POU6F2: variants seen among roughly 807,000 people sequenced by gnomAD.
POU6F2 encodes the protein POU domain, class 6, transcription factor 2.
A neutral mutation model predicts 71.3 loss-of-function variants in POU6F2; 31 were observed. That is an observed-to-expected ratio of 0.43 (90% CI 0.33 to 0.59). The LOEUF is 0.59. Among genes scored for constraint, POU6F2 ranks in the 20% least tolerant of loss-of-function variants. POU6F2 has a pLI of 0.04. For missense variants in POU6F2, 783 were observed against 856.8 expected, an observed-to-expected ratio of 0.91 and a Z score of 1.07; for synonymous variants, 347 against 355.7, an observed-to-expected ratio of 0.98 and a Z score of 0.27.
chr7:39,419,348 C>T (rs947507476), intron 6 of POU6F2, among the ~76,000 whole-genome samples: 2 of 151,764 alleles, frequency 1.3e-5, no homozygotes, highest in Non-Finnish European at 2.9e-5. Context: ...AAGCGATTCT[C>T]CTGCCTCAGT....
At chr7:39,055,635 T>A (rs1182434354) in intron 1 of POU6F2, among the ~76,000 whole-genome samples, 3 of 152,130 alleles carry the variant, frequency 2.0e-5, no homozygotes, top group African/African-American at 7.2e-5. Flanking sequence ...TCTTTTTTTG[T>A]CTAGTTTTTT....
intron 1 of POU6F2, among the ~76,000 whole-genome samples, chr7:39,037,808 T>C (rs1226500288): frequency 6.6e-6 from 1 of 152,026 alleles, no homozygotes; most frequent in Non-Finnish European, 1.5e-5. Context: ...GGCCTGATTG[T>C]TTAGCACTAC....
chr7:39,102,350 A>AT (rs1011258693), intron 2 of POU6F2, among the ~76,000 whole-genome samples: 2 of 151,778 alleles, frequency 1.3e-5, no homozygotes, highest in Admixed American at 1.3e-4. Context: ...CTACTTTCTC[A>AT]TTTTTTACAG....
intron 5 of POU6F2, among the ~76,000 whole-genome samples, chr7:39,383,830 A>C (rs767768819): frequency 2.0e-5 from 3 of 152,200 alleles, no homozygotes; most frequent in Non-Finnish European, 2.9e-5. Context: ...GAGTTTCTAC[A>C]CCTATAAGAT....
chr7:38,986,352 T>A (rs970205003), intron 1 of POU6F2, among the ~76,000 whole-genome samples: 4 of 152,096 alleles, frequency 2.6e-5, no homozygotes, highest in African/African-American at 7.2e-5. Flanking sequence ...ACATCAAGTT[T>A]GTGGTAAGAA....
intron 7 of POU6F2, among the ~76,000 whole-genome samples, chr7:39,439,843 G>A: frequency 6.6e-6 from 1 of 151,346 alleles, no homozygotes; most frequent in East Asian, 2.0e-4. Flanking sequence ...CATATTTAGT[G>A]CTTCTTTCAG....
intron 4 of POU6F2, among the ~76,000 whole-genome samples, chr7:39,230,935 AGTCTTCCCCTACTCCCCCAGG>A (rs1454315655): frequency 6.6e-6 from 1 of 152,150 alleles, no homozygotes; most frequent in East Asian, 1.9e-4. Flanking sequence ...ACTGGGGGTG[AGTCTTCCCCTACTCCCCCAGG>A]GTCACTTGGC....
chr7:39,446,358 C>G lies in POU6F2; in HGVS notation c.1321-5175C>G, dbSNP rs1171883272. 3.3e-5 allele frequency among the ~76,000 whole-genome samples: 5 copies of G among 152,318 alleles called. No homozygotes were observed. The East Asian group carries it at 9.6e-4, about 29-fold the overall frequency. On this transcript the variant is annotated intron_variant, in intron 7 of 9. Transcript: ENST00000518318. ...CAAGTGAGTTTCTTTATATTTAATC[C>G]CATTTGAATTTTCTGTTTATATGCA...
chr7:39,088,148 A>G (rs1258503754), intron 2 of POU6F2, among the ~76,000 whole-genome samples: 1 of 152,196 alleles, frequency 6.6e-6, no homozygotes, highest in Non-Finnish European at 1.5e-5. Context: ...TTCAAACACA[A>G]TGTGAGAATT....
Position 39,101,223 on chromosome 7 carries a change from G to A in POU6F2, c.277+15192G>A, listed in dbSNP as rs953392534. Among the ~76,000 whole-genome samples the A allele has an allele frequency of 4.0e-5, 6 of 151,848 alleles. No individual in the cohort carries two copies. The South Asian group carries it at 6.3e-4, about 16-fold the overall frequency. On this transcript the variant is annotated intron_variant, in intron 2 of 9. Transcript: ENST00000518318. ...TGAGTAGCTGGGATTACAGCCACCC[G>A]CCACCAAACCCAGCTAATTTTTGTA... is the stretch of plus-strand genomic sequence containing the variant.
At chr7:39,014,735 T>G (rs1359575082) in intron 1 of POU6F2, among the ~76,000 whole-genome samples, 2 of 152,188 alleles carry the variant, frequency 1.3e-5, no homozygotes, top group Non-Finnish European at 2.9e-5. Flanking sequence ...TTTTCCTGTT[T>G]TCTCCCCACC....
chr7:39,221,384 CTTTTTTT>C (rs33915153), intron 4 of POU6F2, among the ~76,000 whole-genome samples: 12 of 86,332 alleles, frequency 1.4e-4, no homozygotes, highest in Admixed American at 4.4e-4. Flanking sequence ...CTCTCTCTCT[CTTTTTTT>C]TTTTTTTTTT....
Position 39,418,015 on chromosome 7 carries a change from A to G in POU6F2, c.1113+11275A>G, listed in dbSNP as rs570209440. 9.9e-4 allele frequency among the ~76,000 whole-genome samples: 151 copies of G among 152,344 alleles called. 1 individual carries two copies. Among genetic ancestry groups the G allele is most frequent in the Non-Finnish European group, 1.6e-3 (107 of 68,026 alleles). The stretch of plus-strand genomic sequence containing the variant: ...GCTATTTATGTGCCAAGCACTTGAT[A>G]TATTACTTTTTCTTTACTACCACAC... On this transcript the variant is annotated intron_variant, in intron 6 of 9. Coordinates refer to ENST00000518318, the MANE Select transcript of POU6F2 (RefSeq NM_001370959.1).
chr7:39,114,033 C>G (rs1042225891), intron 2 of POU6F2, among the ~76,000 whole-genome samples: 4 of 152,112 alleles, frequency 2.6e-5, no homozygotes, highest in African/African-American at 9.7e-5. Flanking sequence ...TGGGGCCCAG[C>G]AGGATCCTAG....
At chr7:39,334,775 G>A (rs1562794184) in intron 4 of POU6F2, among the ~76,000 whole-genome samples, 1 of 152,198 alleles carries the variant, frequency 6.6e-6, no homozygotes. Context: ...CTTTTGGGAT[G>A]TTCAAGATTC....
intron 5 of POU6F2, among the ~76,000 whole-genome samples, chr7:39,360,632 C>A (rs993279172): frequency 6.6e-6 from 1 of 152,132 alleles, no homozygotes; most frequent in African/African-American, 2.4e-5. Flanking sequence ...TAAGTCCATA[C>A]AATAAAGTGA....
chr7:39,069,245 A>C (rs1271279388), intron 1 of POU6F2, among the ~76,000 whole-genome samples: 1 of 152,210 alleles, frequency 6.6e-6, no homozygotes, highest in Non-Finnish European at 1.5e-5. Context: ...AGTACAAACC[A>C]TTAGCAGCTG....
At chr7:39,312,673 T>C (rs1157907844) in intron 4 of POU6F2, among the ~76,000 whole-genome samples, 3 of 152,218 alleles carry the variant, frequency 2.0e-5, no homozygotes, top group Non-Finnish European at 4.4e-5. Flanking sequence ...CAAATGTGAA[T>C]GGCCAGCATC....
intron 2 of POU6F2, among the ~76,000 whole-genome samples, chr7:39,166,800 C>T (rs995340886): frequency 2.0e-5 from 3 of 152,234 alleles, no homozygotes; most frequent in Admixed American, 2.0e-4. Flanking sequence ...GGCAGAAAGC[C>T]TCTTTCCAAG....
Sources: gnomAD v4.1 joint callset for allele counts (sites outside exome capture counted in the v4.1 genomes callset) on GRCh38, gnomAD v4.1.1 for gene constraint, MANE v1.5 for transcripts, NCBI Gene and HGNC (gene_info 2026-07-23, HGNC 2026-07-21) for gene names.